Variants in ASB3 observed in about 807,000 individuals in gnomAD.
The protein encoded by ASB3 is ankyrin repeat and SOCS box protein 3.
A neutral mutation model predicts 54.5 loss-of-function variants in ASB3; 41 were observed. The observed-to-expected ratio is 0.75, with a 90% CI of 0.59 to 0.98. ASB3 has a LOEUF of 0.98. Among genes scored for constraint, ASB3 ranks in the 50% least tolerant of loss-of-function variants. The pLI, the probability that ASB3 is intolerant of heterozygous loss-of-function variation, is 0.00. For synonymous variants in ASB3, 266 were observed against 221.2 expected (o/e 1.20, Z -1.80); for missense variants, 733 against 620.0 (o/e 1.18, Z -1.94).
intron 5 of ASB3, among the ~76,000 whole-genome samples, chr2:53,718,912 G>GT (rs1670545492): frequency 6.6e-6 from 1 of 151,938 alleles, no homozygotes; most frequent in African/African-American, 2.4e-5. Flanking sequence ...GGGGTCACTA[G>GT]TTTTTTATTT....
intron 9 of ASB3, among the ~76,000 whole-genome samples, chr2:53,686,987 T>C (rs1422499078): frequency 6.6e-6 from 1 of 152,218 alleles, no homozygotes; most frequent in African/African-American, 2.4e-5. Flanking sequence ...CCCAAAGTAC[T>C]GGGATTACAG....
At chr2:53,760,909 T>A (rs1399527245) in intron 2 of ASB3, among the ~76,000 whole-genome samples, 1 of 152,156 alleles carries the variant, frequency 6.6e-6, no homozygotes, top group Non-Finnish European at 1.5e-5. Flanking sequence ...AGTCCATGAC[T>A]AAGATCTACC....
intron 1 of ASB3, chr2:53,786,208 G>A (rs1184743585): frequency 6.6e-6 from 1 of 152,174 alleles, no homozygotes; most frequent in African/African-American, 2.4e-5. Context: ...TGTCTAATTT[G>A]GGGATGCAGT....
intron 5 of ASB3, among the ~76,000 whole-genome samples, chr2:53,725,162 A>G (rs553381909): frequency 2.6e-5 from 4 of 152,350 alleles, no homozygotes; most frequent in African/African-American, 9.6e-5. Flanking sequence ...GGAGGCCATT[A>G]TTCTAAGTGA....
chr2:53,687,960 G>C (rs1260817754), intron 9 of ASB3, among the ~76,000 whole-genome samples: 2 of 152,118 alleles, frequency 1.3e-5, no homozygotes, highest in African/African-American at 4.8e-5. Context: ...TGGGACTACA[G>C]TCATTCACCA....
At chr2:53,712,980 G>T (rs747244300) in intron 7 of ASB3, among the ~76,000 whole-genome samples, 1 of 152,150 alleles carries the variant, frequency 6.6e-6, no homozygotes, top group Non-Finnish European at 1.5e-5. Flanking sequence ...AATCATGAAA[G>T]TTATACATAA....
chr2:53,773,632 T>C (rs959817757), intron 1 of ASB3, among the ~76,000 whole-genome samples: 7 of 151,936 alleles, frequency 4.6e-5, no homozygotes, highest in Non-Finnish European at 8.8e-5. Context: ...GGTTTCACCA[T>C]CTTGGCCAGG....
chr2:53,708,314 G>A (rs888610152), intron 7 of ASB3, among the ~76,000 whole-genome samples: 2 of 152,186 alleles, frequency 1.3e-5, no homozygotes, highest in Admixed American at 1.3e-4. Flanking sequence ...CTTCTGCCAT[G>A]ATTATGTTTC....
intron 2 of ASB3, among the ~76,000 whole-genome samples, chr2:53,751,250 G>A (rs549334042): frequency 6.6e-6 from 1 of 152,194 alleles, no homozygotes; most frequent in South Asian, 2.1e-4. Flanking sequence ...AGTCTGAGGA[G>A]GATGCAGCAC....
At chr2:53,745,326 A>G (rs758459570) in intron 3 of ASB3, among the ~76,000 whole-genome samples, 10 of 152,226 alleles carry the variant, frequency 6.6e-5, no homozygotes, top group Non-Finnish European at 1.2e-4. Flanking sequence ...GTGCTAGCAA[A>G]AAGATGTTCT....
At position 53,765,544 on chromosome 2, in the gene ASB3, G is replaced by C. The variant is rs750944749; in HGVS notation, c.29C>G (p.Thr10Arg). Residue 10 changes from threonine (T) to arginine (R), a missense_variant, in exon 2 of 10, where the codon ACG (threonine) becomes AGG (arginine). Physicochemically the swap from Thr to Arg is moderately conservative, Grantham distance 71. Transcript: ENST00000263634. ...GGCAGCAAGTCCAACTGTAGAGCAC[G>C]TGTCCGCGTAAGCCTCTGTAAAATC... is the stretch of plus-strand genomic sequence containing the variant. MDFTEAYAD[T>R]CSTVGLAARE... 4 of 1,614,142 alleles carry C rather than the reference G, an allele frequency of 2.5e-6. No individual in the cohort carries two copies. In the Admixed American group the frequency reaches 6.7e-5, roughly 27 times the overall value.
chr2:53,729,683 T>A, intron 3 of ASB3, 113 bp from the exon 4 acceptor site: 1 of 824,278 alleles, frequency 1.2e-6, no homozygotes, highest in East Asian at 2.6e-5. Context: ...ATGCTCTGAT[T>A]ATTCCTAAAC....
intron 5 of ASB3, among the ~76,000 whole-genome samples, chr2:53,720,201 C>T (rs1670622202): frequency 6.6e-6 from 1 of 151,808 alleles, no homozygotes; most frequent in Non-Finnish European, 1.5e-5. Flanking sequence ...ATACTCTCCC[C>T]ACTTTGAGTT....
intron 7 of ASB3, among the ~76,000 whole-genome samples, chr2:53,702,972 G>C (rs1193313659): frequency 6.6e-6 from 1 of 152,180 alleles, no homozygotes. Context: ...ATTCAGTTTT[G>C]TCAGATGTGC....
At chr2:53,771,070 A>G (rs1395938507) in intron 1 of ASB3, among the ~76,000 whole-genome samples, 2 of 152,156 alleles carry the variant, frequency 1.3e-5, no homozygotes, top group Non-Finnish European at 2.9e-5. Flanking sequence ...GCAAATTCTT[A>G]GACAGCTCCA....
chr2:53,671,454 C>G (rs1667814323), intron 9 of ASB3, among the ~76,000 whole-genome samples: 2 of 151,462 alleles, frequency 1.3e-5, no homozygotes, highest in Admixed American at 1.3e-4. Flanking sequence ...AATTCAAATG[C>G]ACATAATTAA....
At chr2:53,749,148 A>C (rs1672385894) in intron 3 of ASB3, among the ~76,000 whole-genome samples, 1 of 152,142 alleles carries the variant, frequency 6.6e-6, no homozygotes, top group Admixed American at 6.5e-5. Flanking sequence ...AAAACGTCTA[A>C]ATACAAAAGT....
At chr2:53,675,423 T>C (rs1668034209) in intron 9 of ASB3, among the ~76,000 whole-genome samples, 1 of 152,200 alleles carries the variant, frequency 6.6e-6, no homozygotes, top group Non-Finnish European at 1.5e-5. Context: ...TAAATATTAA[T>C]ATTTTAACAA....
intron 2 of ASB3, among the ~76,000 whole-genome samples, chr2:53,763,273 C>T (rs757181889): frequency 2.6e-5 from 4 of 152,094 alleles, no homozygotes; most frequent in South Asian, 4.1e-4. Flanking sequence ...GCAGGAGAAC[C>T]GCTTGAATCT....
Sources: gnomAD v4.1 joint callset for allele counts (sites outside exome capture counted in the v4.1 genomes callset) on GRCh38, gnomAD v4.1.1 for gene constraint, MANE v1.5 for transcripts, NCBI Gene and HGNC (gene_info 2026-07-23, HGNC 2026-07-21) for gene names.